The following ZNF730 variants were observed in gnomAD, a reference collection of about 807,000 sequenced individuals.
ZNF730 encodes zinc finger protein 730, also known as putative zinc finger protein 730.
ZNF730 carries 12 observed loss-of-function variants against 12.6 expected under a neutral mutation model. The ratio of observed to expected loss-of-function variants is 0.95; its 90% CI spans 0.61 to 1.54. The LOEUF is 1.54. Ranked by LOEUF, ZNF730 falls within the 40% of genes most tolerant of loss-of-function variation. The pLI is 0.00. For missense variants in ZNF730, 643 were observed against 583.5 expected, an observed-to-expected ratio of 1.10 and a Z score of -1.05; for synonymous variants, 194 against 195.8, an observed-to-expected ratio of 0.99 and a Z score of 0.08.
chr19:23,136,532 G>A (rs1970835159), intron 3 of ZNF730, among the ~76,000 whole-genome samples: 1 of 152,112 alleles, frequency 6.6e-6, no homozygotes, highest in Non-Finnish European at 1.5e-5. Context: ...AGCCTCCTGA[G>A]TAGCTAGGAT....
chr19:23,139,139 C>T (rs890465160), intron 3 of ZNF730, among the ~76,000 whole-genome samples: 2 of 152,096 alleles, frequency 1.3e-5, no homozygotes, highest in Admixed American at 1.3e-4. Flanking sequence ...GATTTTCACC[C>T]ATGTTTGTCA....
chr19:23,119,644 C>G (rs1970574227), intron 1 of ZNF730, among the ~76,000 whole-genome samples: 1 of 152,078 alleles, frequency 6.6e-6, no homozygotes, highest in African/African-American at 2.4e-5. Flanking sequence ...TGGTGAAACC[C>G]TGTCTCTACT....
intron 1 of ZNF730, 112 bp downstream of exon 1, chr19:23,117,288 C>CCAGA (rs1213095246): frequency 1.5e-5 from 24 of 1,585,076 alleles, no homozygotes; most frequent in Non-Finnish European, 1.9e-5. Context: ...CAATCTGCGC[C>CCAGA]CAGAGTTCTT....
intron 1 of ZNF730, among the ~76,000 whole-genome samples, chr19:23,124,471 G>A (rs1336176024): frequency 1.3e-5 from 2 of 152,206 alleles, no homozygotes; most frequent in South Asian, 2.1e-4. Context: ...CTCGACCAGA[G>A]CAGTTCCATT....
rs1472117740 is a variant in ZNF730, at chr19:23,145,881, T to G, written c.837T>G (p.Thr279=). ...TNLTTHKRIH[T]GEKPYKCEEC... ...TTACTACACATAAAAGAATTCATAC[T>G]GGAGAGAAACCCTATAAATGTGAAG... The change falls in exon 4 of 4, where the codon ACT becomes ACG. Residue 279 remains threonine, a synonymous_variant. Transcript: ENST00000597761. 1 of 1,610,530 alleles carries G rather than the reference T, an allele frequency of 6.2e-7. No homozygotes were observed. The highest frequency in any genetic ancestry group is 8.5e-7 in the Non-Finnish European group (1 of 1,179,526).
chr19:23,089,203 A>G (rs1253005777), intron 1 of ZNF730, among the ~76,000 whole-genome samples: 2 of 149,792 alleles, frequency 1.3e-5, no homozygotes, highest in African/African-American at 2.5e-5. Context: ...GTTCTGTTAT[A>G]TGATGCATCG....
intron 1 of ZNF730, among the ~76,000 whole-genome samples, chr19:23,108,029 A>T (rs1029669949): frequency 6.6e-6 from 1 of 152,140 alleles, no homozygotes; most frequent in Non-Finnish European, 1.5e-5. Flanking sequence ...GTATATATGG[A>T]ACTGGGTTGA....
chr19:23,128,563 G>T, intron 1 of ZNF730: 1 of 225,504 alleles, frequency 4.4e-6, no homozygotes, highest in South Asian at 8.3e-5. Context: ...TTTTCAATGA[G>T]GATTTTTTAG....
chr19:23,107,758 T>C (rs1192317126), intron 1 of ZNF730, among the ~76,000 whole-genome samples: 1 of 152,224 alleles, frequency 6.6e-6, no homozygotes, highest in African/African-American at 2.4e-5. Context: ...GCAGCATCTT[T>C]TGGTTTGTTT....
rs550026618 is a variant in ZNF730 at position 23,146,934 on chromosome 19, C to T, written c.*378C>T. 28 of 414,708 alleles carry T rather than the reference C, an allele frequency of 6.8e-5. No homozygotes were observed. The highest frequency in any genetic ancestry group is 5.6e-4 in the African/African-American group (28 of 49,992). The allele number at this position is 414,708 out of a possible 1,614,324, so 25.7% of individuals were successfully genotyped here. A position where few individuals can be genotyped will look rare whatever the true frequency, so the allele number is the denominator to read the frequency against. On this transcript the variant is annotated 3_prime_UTR_variant, in exon 4 of 4. Transcript: ENST00000597761. The stretch of plus-strand genomic sequence containing the variant: ...CTTTTGACAACACCTCAAACTTTTC[C>T]AGATGTCAAAGAAATGCTGGTGAGA...
intron 1 of ZNF730, among the ~76,000 whole-genome samples, chr19:23,080,188 A>G (rs924446263): frequency 6.6e-6 from 1 of 152,122 alleles, no homozygotes; most frequent in African/African-American, 2.4e-5. Context: ...AAGACTGAAT[A>G]ATATCCTGTT....
upstream of ZNF730, among the ~76,000 whole-genome samples, chr19:23,115,402 A>G (rs1425246752): frequency 6.6e-6 from 1 of 152,148 alleles, no homozygotes; most frequent in Non-Finnish European, 1.5e-5. Context: ...CATCCCTCCT[A>G]TATCCTTTGC....
chr19:23,082,535 C>A (rs1969982398), intron 1 of ZNF730, among the ~76,000 whole-genome samples: 1 of 151,700 alleles, frequency 6.6e-6, no homozygotes, highest in African/African-American at 2.4e-5. Flanking sequence ...TCAGTAGAGA[C>A]AGGGTTTCAC....
upstream of ZNF730, among the ~76,000 whole-genome samples, chr19:23,112,026 T>A (rs1303351797): frequency 7.5e-6 from 1 of 133,100 alleles, no homozygotes; most frequent in African/African-American, 2.7e-5. Flanking sequence ...AATAGTCTAC[T>A]GACTGTGGAC....
At chr19:23,081,821 C>G (rs1370789230) in intron 1 of ZNF730, among the ~76,000 whole-genome samples, 1 of 152,138 alleles carries the variant, frequency 6.6e-6, no homozygotes, top group African/African-American at 2.4e-5. Flanking sequence ...TGCAGTGGAG[C>G]AATGATAGCT....
chr19:23,081,797 C>T (rs890360125), intron 1 of ZNF730, among the ~76,000 whole-genome samples: 1 of 152,198 alleles, frequency 6.6e-6, no homozygotes, highest in Non-Finnish European at 1.5e-5. Flanking sequence ...CTTGTTCTGT[C>T]ACCCAGACTG....
chr19:23,106,986 T>G (rs1430644151), intron 1 of ZNF730, among the ~76,000 whole-genome samples: 2 of 152,066 alleles, frequency 1.3e-5, no homozygotes, highest in African/African-American at 4.8e-5. Flanking sequence ...AATTACTGCC[T>G]GTTTTTTGAA....
At chr19:23,138,738 G>T (rs1220724050) in intron 3 of ZNF730, among the ~76,000 whole-genome samples, 1 of 152,138 alleles carries the variant, frequency 6.6e-6, no homozygotes, top group Non-Finnish European at 1.5e-5. Flanking sequence ...TCTCTTAAAG[G>T]CACTTATTTT....
chr19:23,145,123 G>A (rs1970983520), intron 3 of ZNF730, 148 bp from the exon 4 acceptor site: 1 of 562,518 alleles, frequency 1.8e-6, no homozygotes, highest in African/African-American at 1.9e-5. Flanking sequence ...TTGGATTTTT[G>A]TTACATTTAT....
Sources: allele counts gnomAD v4.1 joint callset (sites outside exome capture counted in the v4.1 genomes callset), GRCh38; gene constraint gnomAD v4.1.1; transcripts MANE v1.5; gene names NCBI Gene and HGNC (gene_info 2026-07-23, HGNC 2026-07-21).